Variants in CACNB2 observed in about 807,000 individuals in gnomAD.
The protein encoded by CACNB2 is calcium voltage-gated channel auxiliary subunit beta 2.
A neutral mutation model predicts 73.3 loss-of-function variants in CACNB2; 42 were observed. The observed-to-expected ratio is 0.57, with a 90% CI of 0.45 to 0.74. CACNB2 has a LOEUF of 0.74. Ranked by LOEUF, CACNB2 falls within the 30% of genes least tolerant of loss-of-function variation. The probability of loss-of-function intolerance (pLI) is 0.00; values close to 1 mark genes in which losing one functional copy is unlikely to be tolerated. For missense variants in CACNB2, 940 were observed against 853.0 expected, an observed-to-expected ratio of 1.10 and a Z score of -1.27; for synonymous variants, 348 against 310.3, an observed-to-expected ratio of 1.12 and a Z score of -1.28.
At chr10:18,150,654 AC>A (rs2031436899) in intron 1 of CACNB2, among the ~76,000 whole-genome samples, 1 of 151,982 alleles carries the variant, frequency 6.6e-6, no homozygotes, top group African/African-American at 2.4e-5. Flanking sequence ...CAAGAGCGAA[AC>A]TCTGTCTCAA....
At chr10:18,244,645 C>T (rs2036790577) in intron 2 of CACNB2, among the ~76,000 whole-genome samples, 1 of 152,136 alleles carries the variant, frequency 6.6e-6, no homozygotes, top group Non-Finnish European at 1.5e-5. Flanking sequence ...TGTTAGGGCT[C>T]CATAGGGGAG....
At chr10:18,417,133 C>G (rs1331979284) in intron 3 of CACNB2, among the ~76,000 whole-genome samples, 1 of 148,962 alleles carries the variant, frequency 6.7e-6, no homozygotes, top group Non-Finnish European at 1.5e-5. Flanking sequence ...TTCTCTTTAA[C>G]TATAAAAGCA....
intron 2 of CACNB2, among the ~76,000 whole-genome samples, chr10:18,230,561 T>C (rs1222761569): frequency 6.6e-6 from 1 of 152,112 alleles, no homozygotes; most frequent in Non-Finnish European, 1.5e-5. Flanking sequence ...TGGTACTAAA[T>C]AGGAATAAGG....
At chr10:18,446,529 G>A (rs2046743069) in intron 3 of CACNB2, among the ~76,000 whole-genome samples, 1 of 152,160 alleles carries the variant, frequency 6.6e-6, no homozygotes, top group Non-Finnish European at 1.5e-5. Flanking sequence ...AATAACTGGA[G>A]ACAAGAGAGG....
chr10:18,515,587 A>G (rs1376428656), intron 7 of CACNB2, among the ~76,000 whole-genome samples: 1 of 152,218 alleles, frequency 6.6e-6, no homozygotes, highest in Non-Finnish European at 1.5e-5. Context: ...TTTTGAATCA[A>G]TTATGATTAT....
intron 10 of CACNB2, among the ~76,000 whole-genome samples, chr10:18,528,404 G>C (rs531048299): frequency 6.6e-6 from 1 of 152,204 alleles, no homozygotes; most frequent in Admixed American, 6.5e-5. Flanking sequence ...GGAGTTTTAG[G>C]TTAATCACTG....
At chr10:18,329,776 A>G (rs2132006751) in intron 2 of CACNB2, among the ~76,000 whole-genome samples, 1 of 152,236 alleles carries the variant, frequency 6.6e-6, no homozygotes. Flanking sequence ...TGTTTCCAAT[A>G]AAATATTTTA....
intron 3 of CACNB2, among the ~76,000 whole-genome samples, chr10:18,415,986 A>G (rs1230600506): frequency 6.6e-6 from 1 of 152,072 alleles, no homozygotes; most frequent in East Asian, 1.9e-4. Context: ...TTTTACAGGT[A>G]TATAATGCAT....
At chr10:18,498,507 C>G (rs1263869646) in intron 4 of CACNB2, 30 bp downstream of exon 4, 1 of 1,610,044 alleles carries the variant, frequency 6.2e-7, no homozygotes, top group Non-Finnish European at 8.5e-7. Context: ...TTTCTAACAG[C>G]ATGATGTTTC....
chr10:18,518,309 G>T, intron 7 of CACNB2, 27 bp from the exon 8 acceptor site: 2 of 1,522,556 alleles, frequency 1.3e-6, no homozygotes, highest in Non-Finnish European at 1.8e-6. Flanking sequence ...CCTGTGAAAC[G>T]TCTAAAAGCC....
intron 3 of CACNB2, among the ~76,000 whole-genome samples, chr10:18,418,366 C>T (rs1794350861): frequency 6.6e-6 from 1 of 152,208 alleles, no homozygotes; most frequent in Non-Finnish European, 1.5e-5. Flanking sequence ...ATCGCACAAT[C>T]CGCTGTCAGT....
intron 2 of CACNB2, among the ~76,000 whole-genome samples, chr10:18,167,184 C>G (rs762597776): frequency 1.3e-5 from 2 of 152,114 alleles, no homozygotes; most frequent in Non-Finnish European, 2.9e-5. Flanking sequence ...CCTGAGTGAA[C>G]TAACTGAGAA....
intron 2 of CACNB2, among the ~76,000 whole-genome samples, chr10:18,160,012 AG>A (rs2032341960): frequency 6.6e-6 from 1 of 152,192 alleles, no homozygotes; most frequent in African/African-American, 2.4e-5. Context: ...TTTTAAATAA[AG>A]AAGTCCCTTG....
At chr10:18,527,975 C>T (rs925215996) in intron 10 of CACNB2, among the ~76,000 whole-genome samples, 3 of 152,152 alleles carry the variant, frequency 2.0e-5, no homozygotes, top group South Asian at 2.1e-4. Flanking sequence ...TCTAAGATCT[C>T]CTGGCTTTGC....
At chr10:18,225,249 A>G (rs1159313073) in intron 2 of CACNB2, among the ~76,000 whole-genome samples, 2 of 151,610 alleles carry the variant, frequency 1.3e-5, no homozygotes, top group South Asian at 2.1e-4. Flanking sequence ...AGGATGGGGG[A>G]TGGGGGAGGG....
rs537013673 is a variant in CACNB2, at chr10:18,187,220, C to G, written c.213+36245C>G. On this transcript the variant is annotated intron_variant, in intron 2 of 13. Coordinates refer to ENST00000324631, the MANE Select transcript of CACNB2 (RefSeq NM_201596.3). ...GTCTGGGCAGCAGGAGTGGGGTTAA[C>G]TGAGAAGAACCTACCGTGGGGATGG... Among the ~76,000 whole-genome samples the G allele has an allele frequency of 2.0e-5, 3 of 152,232 alleles. No homozygotes were observed. The South Asian group carries it at 6.2e-4, about 32-fold the overall frequency.
Position 18,140,678 on chromosome 10 carries a change from A to T in CACNB2, c.-59A>T. On this transcript the variant is annotated 5_prime_UTR_variant, in exon 1 of 14. Coordinates refer to ENST00000324631, the MANE Select transcript of CACNB2 (RefSeq NM_201596.3). ...ATCAGAGCGCGGGGAGGCGGGGGCGAGGAGGAGGGGACCCGCCGCCGGGGG... is the reference window on the plus strand; with the variant it reads ...ATCAGAGCGCGGGGAGGCGGGGGCGTGGAGGAGGGGACCCGCCGCCGGGGG... The T allele has an allele frequency of 6.9e-7, 1 of 1,443,204 alleles. No homozygotes were observed. The highest frequency in any genetic ancestry group is 9.6e-7 in the Non-Finnish European group (1 of 1,044,592). 89.4% of individuals were successfully genotyped at this position (1,443,204 alleles called of 1,614,324 possible).
At chr10:18,231,702 T>C (rs2036232169) in intron 2 of CACNB2, among the ~76,000 whole-genome samples, 1 of 152,216 alleles carries the variant, frequency 6.6e-6, no homozygotes, top group African/African-American at 2.4e-5. Flanking sequence ...CCTGGATCTA[T>C]GTGATTCAGG....
intron 2 of CACNB2, among the ~76,000 whole-genome samples, chr10:18,255,696 C>T (rs1201858807): frequency 6.6e-6 from 1 of 152,158 alleles, no homozygotes; most frequent in Admixed American, 6.5e-5. Flanking sequence ...TTTTGGTCAA[C>T]TTAAGCACCC....
Sources: allele counts gnomAD v4.1 joint callset (sites outside exome capture counted in the v4.1 genomes callset), GRCh38; gene constraint gnomAD v4.1.1; transcripts MANE v1.5; gene names NCBI Gene and HGNC (gene_info 2026-07-23, HGNC 2026-07-21).